Variants in COG2 observed in about 807,000 individuals in gnomAD.
COG2 encodes the protein conserved oligomeric Golgi complex subunit 2.
COG2 carries 52 observed loss-of-function variants against 90.6 expected under a neutral mutation model. That is an observed-to-expected ratio of 0.57 (90% CI 0.46 to 0.72). The LOEUF (loss-of-function observed/expected upper bound fraction) is 0.72. Among genes scored for constraint, COG2 ranks in the 30% least tolerant of loss-of-function variants. The pLI, the probability that COG2 is intolerant of heterozygous loss-of-function variation, is 0.00. For synonymous variants in COG2, 337 were observed against 320.4 expected, an observed-to-expected ratio of 1.05 and a Z score of -0.55; for missense variants, 829 against 891.2, an observed-to-expected ratio of 0.93 and a Z score of 0.89.
At chr1:230,683,493 C>A in intron 10 of COG2, 81 bp from the exon 11 acceptor site, 1 of 1,026,672 alleles carries the variant, frequency 9.7e-7, no homozygotes, top group Non-Finnish European at 1.5e-6. Context: ...GTTCCTGTTA[C>A]TTAGGAAAAA....
chr1:230,689,979 C>T (rs765353343), intron 15 of COG2, 35 bp from the exon 16 acceptor site: 3 of 1,530,074 alleles, frequency 2.0e-6, no homozygotes, highest in South Asian at 2.5e-5. Context: ...TGTTTTTTTC[C>T]TGTGCATCTT....
chr1:230,690,105 C>G lies in COG2; in HGVS notation c.1886C>G (p.Ala629Gly). 1 of 1,613,682 alleles carries G rather than the reference C, an allele frequency of 6.2e-7. No individual in the cohort carries two copies. Among genetic ancestry groups the G allele is most frequent in the Non-Finnish European group, 8.5e-7 (1 of 1,179,776 alleles). The change falls in exon 16 of 18, where the codon GCA (alanine) becomes GGA (glycine). Residue 629 changes from alanine (A) to glycine (G), a missense_variant. Coordinates refer to ENST00000366669, the MANE Select transcript of COG2 (RefSeq NM_007357.3). ...QSGHKDKLKQ[A>G]IIQQWLEGTL... ...GGACACAAGGATAAGCTCAAACAAG[C>G]AATAATTCAGCAGTGGCTAGAAGGC...
In COG2 at chr1:230,693,483, G is replaced by A; in HGVS notation, c.*90G>A. ...GGGAGAAAGTGACTCTGTTCTCTTAGCAACCGTCTGTAGCAAAGAAGTGCT... is the reference window on the plus strand; with the variant it reads ...GGGAGAAAGTGACTCTGTTCTCTTAACAACCGTCTGTAGCAAAGAAGTGCT... On this transcript the variant is annotated 3_prime_UTR_variant, in exon 18 of 18. Transcript: ENST00000366669. The A allele has an allele frequency of 1.3e-6, 1 of 759,026 alleles. No homozygotes were observed. The highest frequency in any genetic ancestry group is 2.2e-6 in the Non-Finnish European group (1 of 454,308). 47.0% of individuals were successfully genotyped at this position (759,026 alleles called of 1,614,324 possible).
rs1317726939 is a variant in COG2 at position 230,669,472 on chromosome 1, T to G, written c.711T>G (p.Ile237Met). Residue 237 changes from isoleucine (I) to methionine (M), a missense_variant, in exon 7 of 18, where the codon ATT becomes ATG. Ile to Met is a conservative substitution (Grantham distance 10, BLOSUM62 1). Coordinates refer to ENST00000366669, the MANE Select transcript of COG2 (RefSeq NM_007357.3). Reference protein sequence around the residue: ...IRHCLRTYATIDKTRDAEALV... With the variant: ...IRHCLRTYATMDKTRDAEALV... The stretch of plus-strand genomic sequence containing the variant: ...ACTGCTTGCGGACTTACGCCACGAT[T>G]GACAAGACACGGGACGCGGAGGCCT... 3 of 1,613,984 alleles carry G rather than the reference T, an allele frequency of 1.9e-6. No individual in the cohort carries two copies. Among genetic ancestry groups the G allele is most frequent in the African/African-American group, 1.3e-5 (1 of 74,922 alleles).
intron 8 of COG2, 88 bp from the exon 9 acceptor site, chr1:230,674,910 G>A: frequency 9.8e-7 from 1 of 1,023,786 alleles, no homozygotes; most frequent in South Asian, 2.2e-5. Flanking sequence ...TTAGACTGCG[G>A]ATCTTTTGGC....
At chr1:230,663,831 A>G (rs1335794562) in intron 4 of COG2, among the ~76,000 whole-genome samples, 1 of 152,242 alleles carries the variant, frequency 6.6e-6, no homozygotes, top group Non-Finnish European at 1.5e-5. Flanking sequence ...ATCAGAAACT[A>G]AGAACATAAA....
At chr1:230,659,167 C>T (rs372890431) in intron 1 of COG2, among the ~76,000 whole-genome samples, 9 of 151,956 alleles carry the variant, frequency 5.9e-5, no homozygotes, top group Non-Finnish European at 1.0e-4. Flanking sequence ...TAAGGGGAAA[C>T]GTTTCTGTTT....
intron 15 of COG2, 21 bp from the exon 16 acceptor site, chr1:230,689,993 C>T: frequency 6.4e-7 from 1 of 1,560,824 alleles, no homozygotes. Flanking sequence ...GCATCTTTAT[C>T]TCCTACCATC....
In COG2 at chr1:230,688,127, T is replaced by G. The variant is rs201723853; in HGVS notation, c.1635T>G (p.Asn545Lys). Residue 545 changes from asparagine to lysine, a missense_variant, in exon 14 of 18, where the codon AAT (asparagine) becomes AAG (lysine). Transcript: ENST00000366669. Reference sequence around the variant, plus strand: ...AACTTGAAATGATTGGCTTTAAGAATTTTTCTTCTATCTCAGGTAAAAATG... The same window carrying G: ...AACTTGAAATGATTGGCTTTAAGAAGTTTTCTTCTATCTCAGGTAAAAATG... ...KPKLEMIGFK[N>K]FSSISAALED... The G allele has an allele frequency of 1.3e-6, 2 of 1,594,582 alleles. No individual in the cohort carries two copies. The highest frequency in any genetic ancestry group is 2.7e-5 in the African/African-American group (2 of 74,184).
Position 230,669,412 on chromosome 1 carries a change from AG to A in COG2, c.653del (p.Gly218AlafsTer9). 6.2e-7 allele frequency: 1 copy of A among 1,614,084 alleles called. No homozygotes were observed. The highest frequency in any genetic ancestry group is 8.5e-7 in the Non-Finnish European group (1 of 1,179,942). On this transcript the variant is annotated frameshift_variant, in exon 7 of 18. Coordinates refer to ENST00000366669, the MANE Select transcript of COG2 (RefSeq NM_007357.3). LOFTEE classifies it high-confidence loss of function. ...AGTCACTGGAAGGTCTCCTATTAGA[AG>A]GCCTTCAGACGTCTGACGTCGATAT... Reference protein sequence around the residue: ...QQSLEGLLLEGLQTSDVDIIR... With the variant: ...QQSLEGLLLEXLQTSDVDIIR...
rs928201671 is a variant in COG2, at chr1:230,678,145, G to C, written c.1027-768G>C. On this transcript the variant is annotated intron_variant, in intron 9 of 17. Coordinates refer to ENST00000366669, the MANE Select transcript of COG2 (RefSeq NM_007357.3). ...TAAAAAATTCAACAGTGTTCTTAGA[G>C]CCTGGGGGCTTCGGGAATAAAGTAC... The C allele has an allele frequency of 8.1e-6, 8 of 985,312 alleles. No homozygotes were observed. The Admixed American group carries it at 3.7e-4, about 45-fold the overall frequency. 61.0% of individuals were successfully genotyped at this position (985,312 alleles called of 1,614,324 possible).
At chr1:230,672,313 A>T (rs557448973) in intron 8 of COG2, among the ~76,000 whole-genome samples, 2 of 152,310 alleles carry the variant, frequency 1.3e-5, no homozygotes, top group Admixed American at 1.3e-4. Flanking sequence ...GAAGCAGGGC[A>T]TGAGGCCCTT....
chr1:230,669,736 C>T lies in COG2; in HGVS notation c.774+201C>T, dbSNP rs78451782. On this transcript the variant is annotated intron_variant, in intron 7 of 17. Transcript: ENST00000366669. The stretch of plus-strand genomic sequence containing the variant: ...TTACGATGCCAGGAATTGGGCGTGC[C>T]GTCTCAGGTGTCCTAGGAATGCTGC... 3,932 of 452,912 alleles carry T rather than the reference C, an allele frequency of 8.7e-3. 115 individuals are homozygous for T. The highest frequency in any genetic ancestry group is 0.069 in the African/African-American group (3,532 of 51,222). The allele number at this position is 452,912 out of a possible 1,614,324, so 28.1% of individuals were successfully genotyped here.
chr1:230,664,365 A>G, intron 4 of COG2, 119 bp from the exon 5 acceptor site: 1 of 426,736 alleles, frequency 2.3e-6, no homozygotes. Flanking sequence ...AAAATATAGA[A>G]TGCTATAGGT....
At chr1:230,664,717 C>T (rs1225524363) in intron 5 of COG2, 130 bp downstream of exon 5, 4 of 515,602 alleles carry the variant, frequency 7.8e-6, no homozygotes, top group Non-Finnish European at 1.3e-5. Flanking sequence ...AAATGTAGCT[C>T]AAGCAAAGCA....
intron 12 of COG2, 146 bp from the exon 13 acceptor site, chr1:230,686,789 G>A: frequency 2.2e-6 from 1 of 453,644 alleles, no homozygotes. Context: ...ATACAATATT[G>A]TATACTTTTA....
At chr1:230,679,434 C>T in intron 10 of COG2, 1 of 157,008 alleles carries the variant, frequency 6.4e-6, no homozygotes, top group Non-Finnish European at 1.4e-5. Context: ...GAACCTGTCT[C>T]ACATCTGTTT....
At chr1:230,678,136 G>GT in intron 9 of COG2, 1 of 985,420 alleles carries the variant, frequency 1.0e-6, no homozygotes, top group Non-Finnish European at 1.2e-6. Context: ...ATTCAACAGT[G>GT]TTCTTAGAGC....
chr1:230,687,925 C>A (rs946648907), intron 13 of COG2, 146 bp from the exon 14 acceptor site: 1 of 609,188 alleles, frequency 1.6e-6, no homozygotes, highest in Non-Finnish European at 2.9e-6. Flanking sequence ...AAAACTGTTT[C>A]TTTCCTTTGA....
Sources: allele counts gnomAD v4.1 joint callset (sites outside exome capture counted in the v4.1 genomes callset), GRCh38; gene constraint gnomAD v4.1.1; transcripts MANE v1.5; gene names NCBI Gene and HGNC (gene_info 2026-07-23, HGNC 2026-07-21).